The following BNC2 variants were observed in gnomAD, a reference collection of about 807,000 sequenced individuals.
BNC2 encodes zinc finger protein basonuclin-2.
Under a neutral mutation model 76.3 loss-of-function variants are expected in BNC2, and 20 were observed. That is an observed-to-expected ratio of 0.26 (90% CI 0.18 to 0.38). BNC2 has a LOEUF of 0.38. Ranked by LOEUF, BNC2 falls within the 10% of genes least tolerant of loss-of-function variation. The pLI is 1.00. For synonymous variants in BNC2, 582 were observed against 514.8 expected, an observed-to-expected ratio of 1.13 and a Z score of -1.77; for missense variants, 1,382 against 1,399.8, an observed-to-expected ratio of 0.99 and a Z score of 0.20.
At chr9:16,530,723 T>C (rs1817949873) in intron 5 of BNC2, among the ~76,000 whole-genome samples, 1 of 152,208 alleles carries the variant, frequency 6.6e-6, no homozygotes, top group Non-Finnish European at 1.5e-5. Context: ...TGTTGTAAGC[T>C]GTGTGGGCAG....
Position 16,862,357 on chromosome 9 carries a change from A to C in BNC2, c.3+8289T>G, listed in dbSNP as rs140329297. Reference sequence around the variant, plus strand: ...GGTGAGTTATATCTCAATAAAGCTAATAACAGCAAACTGCTATGATTATAT... The same window carrying C: ...GGTGAGTTATATCTCAATAAAGCTACTAACAGCAAACTGCTATGATTATAT... On this transcript the variant is annotated intron_variant, in intron 1 of 6. Transcript: ENST00000380672. Among the ~76,000 whole-genome samples the C allele has an allele frequency of 4.9e-3, 752 of 152,340 alleles. 6 individuals are homozygous for C. Among genetic ancestry groups the C allele is most frequent in the African/African-American group, 0.017 (707 of 41,576 alleles).
intron 5 of BNC2, among the ~76,000 whole-genome samples, chr9:16,486,188 T>C (rs752385272): frequency 2.0e-5 from 3 of 152,210 alleles, no homozygotes; most frequent in African/African-American, 2.4e-5. Context: ...CAACCTGCCA[T>C]AGGGATCCAT....
intron 5 of BNC2, among the ~76,000 whole-genome samples, chr9:16,465,100 C>G (rs957261063): frequency 6.6e-6 from 1 of 152,176 alleles, no homozygotes; most frequent in Non-Finnish European, 1.5e-5. Flanking sequence ...AAAATATTAG[C>G]ACACAGTGCC....
At chr9:16,813,680 A>G (rs1396202103) in intron 1 of BNC2, among the ~76,000 whole-genome samples, 1 of 152,226 alleles carries the variant, frequency 6.6e-6, no homozygotes, top group African/African-American at 2.4e-5. Flanking sequence ...AATTACAATG[A>G]TTCATTATAA....
intron 1 of BNC2, among the ~76,000 whole-genome samples, chr9:16,769,942 G>C (rs1387799717): frequency 1.3e-5 from 2 of 152,146 alleles, no homozygotes; most frequent in African/African-American, 4.8e-5. Context: ...GAATTACAGA[G>C]AAATTTCCCA....
chr9:16,839,602 T>C lies in BNC2; in HGVS notation c.3+31044A>G, dbSNP rs1314751158. ...CAAGTCTAAAGCACGCTGCGCACTC[T>C]CTAGCTCTCGGACCAACGATTTCAT... is the stretch of plus-strand genomic sequence containing the variant. On this transcript the variant is annotated intron_variant, in intron 1 of 6. Transcript: ENST00000380672. Among the ~76,000 whole-genome samples the C allele has an allele frequency of 4.6e-5, 7 of 152,150 alleles. No individual in the cohort carries two copies. In the East Asian group the frequency reaches 1.4e-3, roughly 29 times the overall value.
intron 5 of BNC2, among the ~76,000 whole-genome samples, chr9:16,481,748 A>C (rs759700752): frequency 2.0e-5 from 3 of 152,230 alleles, no homozygotes; most frequent in Non-Finnish European, 4.4e-5. Context: ...TTACATGTAC[A>C]AGGTACAGTG....
chr9:16,628,796 CCTTT>C (rs1390915112), intron 3 of BNC2, among the ~76,000 whole-genome samples: 1 of 152,150 alleles, frequency 6.6e-6, no homozygotes, highest in African/African-American at 2.4e-5. Context: ...ATGCACTTTT[CCTTT>C]CTGTGAAACA....
intron 1 of BNC2, among the ~76,000 whole-genome samples, chr9:16,813,694 C>G (rs1446484333): frequency 6.6e-6 from 1 of 152,158 alleles, no homozygotes. Flanking sequence ...ATTATAAATA[C>G]AAATAAAGCA....
At chr9:16,854,427 C>T (rs919255966) in intron 1 of BNC2, among the ~76,000 whole-genome samples, 1 of 152,172 alleles carries the variant, frequency 6.6e-6, no homozygotes, top group Non-Finnish European at 1.5e-5. Context: ...CTCTTGATTT[C>T]TAGAGCAGTT....
intron 1 of BNC2, among the ~76,000 whole-genome samples, chr9:16,776,202 C>A (rs1010561634): frequency 1.5e-5 from 2 of 132,034 alleles, no homozygotes; most frequent in South Asian, 5.3e-4. Flanking sequence ...TGCAATGGAA[C>A]CATCTCGGGC....
chr9:16,825,899 A>T (rs900410771), intron 1 of BNC2, among the ~76,000 whole-genome samples: 3 of 152,116 alleles, frequency 2.0e-5, no homozygotes, highest in Non-Finnish European at 4.4e-5. Flanking sequence ...TTTGAAAAAC[A>T]CTTTGGACAG....
In BNC2 at chr9:16,416,138, T is replaced by C. The variant is rs1002392089; in HGVS notation, c.*2851A>G. On this transcript the variant is annotated 3_prime_UTR_variant, in exon 7 of 7. Coordinates refer to ENST00000380672, the MANE Select transcript of BNC2 (RefSeq NM_017637.6). ...TCACTCACGAGGGCTATCTGACCTT[T>C]TATTTGACATTAAATTAAACAGACT... 1.3e-5 allele frequency: 2 copies of C among 152,214 alleles called. No individual in the cohort carries two copies. Among genetic ancestry groups the C allele is most frequent in the Non-Finnish European group, 2.9e-5 (2 of 68,042 alleles). 9.4% of individuals were successfully genotyped at this position (152,214 alleles called of 1,614,324 possible).
chr9:16,478,099 C>G (rs533799084), intron 5 of BNC2, among the ~76,000 whole-genome samples: 11 of 152,288 alleles, frequency 7.2e-5, no homozygotes, highest in African/African-American at 2.4e-4. Flanking sequence ...TGTTTCATGG[C>G]TCGAACTGTT....
intron 3 of BNC2, among the ~76,000 whole-genome samples, chr9:16,724,978 T>C (rs1587354611): frequency 6.6e-6 from 1 of 152,042 alleles, no homozygotes; most frequent in South Asian, 2.1e-4. Flanking sequence ...AATAACCCAA[T>C]AAATTTTATT....
intron 1 of BNC2, among the ~76,000 whole-genome samples, chr9:16,740,893 G>C (rs1667153122): frequency 6.6e-6 from 1 of 151,934 alleles, no homozygotes; most frequent in Non-Finnish European, 1.5e-5. Context: ...AAAGGTAAGA[G>C]ATACAGAAAA....
intron 5 of BNC2, among the ~76,000 whole-genome samples, chr9:16,538,411 C>A (rs919200020): frequency 6.6e-6 from 1 of 152,106 alleles, no homozygotes; most frequent in Non-Finnish European, 1.5e-5. Context: ...TTAATTGGCC[C>A]AATTACTCCC....
At chr9:16,793,571 G>A (rs931897701) in intron 1 of BNC2, among the ~76,000 whole-genome samples, 1 of 151,340 alleles carries the variant, frequency 6.6e-6, no homozygotes, top group Non-Finnish European at 1.5e-5. Flanking sequence ...CAAGTGGCTG[G>A]GATTACAGGT....
At chr9:16,493,198 C>G (rs919493130) in intron 5 of BNC2, among the ~76,000 whole-genome samples, 1 of 152,178 alleles carries the variant, frequency 6.6e-6, no homozygotes, top group Admixed American at 6.5e-5. Context: ...AACCACTGAT[C>G]TGTGTTTCTC....
Sources: allele counts gnomAD v4.1 joint callset (sites outside exome capture counted in the v4.1 genomes callset), GRCh38; gene constraint gnomAD v4.1.1; transcripts MANE v1.5; gene names NCBI Gene and HGNC (gene_info 2026-07-23, HGNC 2026-07-21).